Variants in CLSTN2 observed in about 807,000 individuals in gnomAD.
The protein encoded by CLSTN2 is calsyntenin-2.
In CLSTN2, 48 loss-of-function variants were observed where a neutral mutation model predicts 101.2. The ratio of observed to expected loss-of-function variants is 0.47; its 90% CI spans 0.38 to 0.60. CLSTN2 has a LOEUF of 0.60. Among genes scored for constraint, CLSTN2 ranks in the 20% least tolerant of loss-of-function variants. The pLI is 0.00. For synonymous variants in CLSTN2, 481 were observed against 463.6 expected, an observed-to-expected ratio of 1.04 and a Z score of -0.48; for missense variants, 1,160 against 1,238.2, an observed-to-expected ratio of 0.94 and a Z score of 0.95.
chr3:140,491,881 G>T (rs1295089733), intron 8 of CLSTN2, among the ~76,000 whole-genome samples: 1 of 152,096 alleles, frequency 6.6e-6, no homozygotes, highest in East Asian at 1.9e-4. Context: ...TGACAGAAGA[G>T]GTATGTGAAT....
At chr3:140,490,872 G>A (rs979584360) in intron 8 of CLSTN2, among the ~76,000 whole-genome samples, 1 of 152,164 alleles carries the variant, frequency 6.6e-6, no homozygotes, top group Non-Finnish European at 1.5e-5. Flanking sequence ...TGGCTGATAA[G>A]AGCGGCCAAG....
intron 1 of CLSTN2, among the ~76,000 whole-genome samples, chr3:139,950,021 G>A (rs762319078): frequency 6.6e-6 from 1 of 152,220 alleles, no homozygotes; most frequent in Non-Finnish European, 1.5e-5. Flanking sequence ...ATGTGATGAG[G>A]CCTGTGGAGT....
chr3:140,565,218 A>G (rs1205700153), intron 16 of CLSTN2, among the ~76,000 whole-genome samples: 1 of 152,216 alleles, frequency 6.6e-6, no homozygotes, highest in South Asian at 2.1e-4. Flanking sequence ...AAAAGCCTTC[A>G]GGACTGCAAC....
At chr3:140,253,680 G>C (rs2086581940) in intron 2 of CLSTN2, among the ~76,000 whole-genome samples, 1 of 152,078 alleles carries the variant, frequency 6.6e-6, no homozygotes, top group Admixed American at 6.6e-5. Context: ...CCTTCTCTGG[G>C]ACATACCTGG....
chr3:140,548,319 T>C (rs1935641286), intron 10 of CLSTN2, among the ~76,000 whole-genome samples: 1 of 152,148 alleles, frequency 6.6e-6, no homozygotes, highest in Non-Finnish European at 1.5e-5. Flanking sequence ...TTCCTGAGGG[T>C]CTCCCAAGTA....
At chr3:140,367,484 T>A (rs750779203) in intron 2 of CLSTN2, among the ~76,000 whole-genome samples, 4 of 125,016 alleles carry the variant, frequency 3.2e-5, no homozygotes, top group Non-Finnish European at 6.3e-5. Flanking sequence ...CTGCACTCCA[T>A]CCTGGTGACA....
intron 2 of CLSTN2, among the ~76,000 whole-genome samples, chr3:140,207,938 C>A (rs1265867787): frequency 6.6e-6 from 1 of 151,986 alleles, no homozygotes; most frequent in Non-Finnish European, 1.5e-5. Context: ...GTTTAATATT[C>A]ATATATATTT....
intron 8 of CLSTN2, among the ~76,000 whole-genome samples, chr3:140,480,932 C>T (rs979895079): frequency 3.9e-5 from 6 of 152,136 alleles, no homozygotes; most frequent in African/African-American, 1.4e-4. Context: ...TTTTGCTGTG[C>T]AGAAGCTCTT....
chr3:139,968,275 G>A (rs1935638336), intron 1 of CLSTN2, among the ~76,000 whole-genome samples: 1 of 152,094 alleles, frequency 6.6e-6, no homozygotes, highest in South Asian at 2.1e-4. Flanking sequence ...TAGAATTCTG[G>A]GGATAATTGA....
chr3:140,412,555 G>A (rs1319633607), intron 4 of CLSTN2, among the ~76,000 whole-genome samples: 2 of 152,236 alleles, frequency 1.3e-5, no homozygotes, highest in African/African-American at 2.4e-5. Context: ...ACTGGAAGCT[G>A]TGTTAAGAGT....
At chr3:139,949,345 G>A (rs1935258050) in intron 1 of CLSTN2, among the ~76,000 whole-genome samples, 1 of 152,212 alleles carries the variant, frequency 6.6e-6, no homozygotes, top group Non-Finnish European at 1.5e-5. Context: ...AGGCTGGTGT[G>A]TGGAGTTTTC....
intron 2 of CLSTN2, among the ~76,000 whole-genome samples, chr3:140,178,300 A>G (rs1301316853): frequency 6.6e-6 from 1 of 152,190 alleles, no homozygotes; most frequent in Non-Finnish European, 1.5e-5. Context: ...AGGTTATTTA[A>G]GTTTGTTGGT....
chr3:140,081,550 C>T (rs1023908635), intron 1 of CLSTN2, among the ~76,000 whole-genome samples: 6 of 152,278 alleles, frequency 3.9e-5, no homozygotes, highest in Admixed American at 6.5e-5. Context: ...TCAGTTTCTG[C>T]GCTGCAGCCC....
intron 4 of CLSTN2, among the ~76,000 whole-genome samples, chr3:140,405,507 G>T (rs755243096): frequency 6.6e-6 from 1 of 152,120 alleles, no homozygotes; most frequent in Admixed American, 6.5e-5. Context: ...GATTACAGGC[G>T]TGAGCCACTG....
intron 2 of CLSTN2, among the ~76,000 whole-genome samples, chr3:140,297,743 C>T (rs1034002969): frequency 8.5e-5 from 13 of 152,286 alleles, no homozygotes; most frequent in African/African-American, 2.9e-4. Context: ...AATTAGGAAA[C>T]CAAGGCTCAG....
At chr3:140,546,798 C>A in intron 10 of CLSTN2, 117 bp downstream of exon 10, 1 of 1,013,988 alleles carries the variant, frequency 9.9e-7, no homozygotes, top group South Asian at 1.8e-5. Flanking sequence ...GAAATGGCAA[C>A]AAGGCAAAGG....
At chr3:139,956,173 C>T (rs760489446) in intron 1 of CLSTN2, among the ~76,000 whole-genome samples, 18 of 152,202 alleles carry the variant, frequency 1.2e-4, no homozygotes, top group South Asian at 2.1e-4. Context: ...GGTATTAGGA[C>T]GTGAACCCAG....
At chr3:140,260,322 A>G (rs928121762) in intron 2 of CLSTN2, among the ~76,000 whole-genome samples, 3 of 151,884 alleles carry the variant, frequency 2.0e-5, no homozygotes, top group African/African-American at 7.3e-5. Flanking sequence ...TGTGTCTTAC[A>G]CCATTAAGTA....
intron 2 of CLSTN2, among the ~76,000 whole-genome samples, chr3:140,210,913 G>T (rs1576468489): frequency 1.3e-5 from 2 of 152,148 alleles, no homozygotes; most frequent in South Asian, 2.1e-4. Context: ...ATCCTAGGAA[G>T]CTTTGGGTCT....
Sources: allele counts gnomAD v4.1 joint callset (sites outside exome capture counted in the v4.1 genomes callset), GRCh38; gene constraint gnomAD v4.1.1; transcripts MANE v1.5; gene names NCBI Gene and HGNC (gene_info 2026-07-23, HGNC 2026-07-21).